The following RAPGEF2 variants were observed in gnomAD, a reference collection of about 807,000 sequenced individuals.
RAPGEF2 encodes Rap guanine nucleotide exchange factor 2, also known as PDZ domain containing guanine nucleotide exchange factor (GEF) 1.
In RAPGEF2, 54 loss-of-function variants were observed where a neutral mutation model predicts 186.7. That is an observed-to-expected ratio of 0.29 (90% CI 0.23 to 0.36). RAPGEF2 has a LOEUF of 0.36. Among genes scored for constraint, RAPGEF2 ranks in the 10% least tolerant of loss-of-function variants. RAPGEF2 has a pLI of 1.00. For missense variants in RAPGEF2, 1,532 were observed against 2,045.0 expected, an observed-to-expected ratio of 0.75 and a Z score of 4.84; for synonymous variants, 712 against 705.9, an observed-to-expected ratio of 1.01 and a Z score of -0.14.
Position 159,325,924 on chromosome 4 carries a change from ACT to A in RAPGEF2, c.1149+2310_1149+2311del, listed in dbSNP as rs1029516738. Among the ~76,000 whole-genome samples the A allele has an allele frequency of 8.6e-5, 13 of 151,926 alleles. 1 individual carries two copies. The highest frequency in any genetic ancestry group is 3.3e-4 in the Admixed American group (5 of 15,250). The stretch of plus-strand genomic sequence containing the variant: ...AGGGAAGAGTCCAATTCAAAAGAAA[ACT>A]CTGATTAAGATATATAGACTCCTAT... On this transcript the variant is annotated intron_variant, in intron 11 of 29. Transcript: ENST00000691494.
chr4:159,121,375 C>G (rs564545968), intron 1 of RAPGEF2, among the ~76,000 whole-genome samples: 1 of 150,944 alleles, frequency 6.6e-6, no homozygotes, highest in South Asian at 2.1e-4. Context: ...TTTTCCTTTC[C>G]TTTCTGAGAT....
intron 1 of RAPGEF2, among the ~76,000 whole-genome samples, chr4:159,104,524 G>C (rs865886460): frequency 0.031 from 3,641 of 117,460 alleles, 96 homozygotes; most frequent in Non-Finnish European, 0.043. Context: ...GAGAGAGAGA[G>C]AGGGAGAGAC....
At chr4:159,172,215 A>G (rs951151489) in intron 1 of RAPGEF2, among the ~76,000 whole-genome samples, 1 of 152,140 alleles carries the variant, frequency 6.6e-6, no homozygotes, top group Non-Finnish European at 1.5e-5. Flanking sequence ...TACCAAGAAA[A>G]TATTTTATAG....
chr4:159,121,286 C>T (rs776340444), intron 1 of RAPGEF2, among the ~76,000 whole-genome samples: 1 of 152,094 alleles, frequency 6.6e-6, no homozygotes, highest in Non-Finnish European at 1.5e-5. Flanking sequence ...CTTGGAACAA[C>T]ATGGTTTTGA....
intron 8 of RAPGEF2, among the ~76,000 whole-genome samples, chr4:159,309,279 C>A (rs764565532): frequency 2.0e-4 from 30 of 152,124 alleles, no homozygotes; most frequent in Non-Finnish European, 8.8e-5. Context: ...ATTTTGATTC[C>A]TTTCCTGCCT....
intron 7 of RAPGEF2, among the ~76,000 whole-genome samples, chr4:159,256,053 C>A (rs965214217): frequency 1.3e-5 from 2 of 152,174 alleles, no homozygotes; most frequent in African/African-American, 4.8e-5. Context: ...TGAAATTCAT[C>A]TCTGATCTCT....
chr4:159,285,016 G>C (rs1337558382), intron 7 of RAPGEF2, among the ~76,000 whole-genome samples: 1 of 152,180 alleles, frequency 6.6e-6, no homozygotes, highest in Admixed American at 6.5e-5. Context: ...TCCATTCTGG[G>C]TGACAGAGGG....
chr4:159,262,764 T>C (rs1579663028), intron 7 of RAPGEF2, among the ~76,000 whole-genome samples: 1 of 152,218 alleles, frequency 6.6e-6, no homozygotes, highest in East Asian at 1.9e-4. Context: ...TTCTTATAGA[T>C]AGTTGCCACA....
chr4:159,151,025 A>G (rs565269878), intron 1 of RAPGEF2, among the ~76,000 whole-genome samples: 5 of 152,358 alleles, frequency 3.3e-5, no homozygotes, highest in East Asian at 1.9e-4. Context: ...GGGCTTGGCT[A>G]TAGAAATTTT....
intron 7 of RAPGEF2, among the ~76,000 whole-genome samples, chr4:159,253,660 T>C (rs1381862432): frequency 1.3e-5 from 2 of 152,196 alleles, no homozygotes; most frequent in East Asian, 3.8e-4. Context: ...TTATTATTTG[T>C]TCTTTCAAAT....
intron 1 of RAPGEF2, among the ~76,000 whole-genome samples, chr4:159,151,641 TGTG>T (rs1743542842): frequency 6.6e-6 from 1 of 152,150 alleles, no homozygotes; most frequent in Non-Finnish European, 1.5e-5. Flanking sequence ...AAAGCAAAGT[TGTG>T]GTGGGCTTCA....
At chr4:159,275,054 CGTGTGTGTGTGTGTGTGTGTGT>C (rs35461332) in intron 7 of RAPGEF2, among the ~76,000 whole-genome samples, 2 of 143,982 alleles carry the variant, frequency 1.4e-5, no homozygotes, top group Admixed American at 6.9e-5. Flanking sequence ...CTCTGTCTCT[CGTGTGTGTGTGTGTGTGTGTGT>C]GTGTGTGTGT....
chr4:159,336,549 T>G (rs1160888179), intron 17 of RAPGEF2, among the ~76,000 whole-genome samples: 1 of 152,242 alleles, frequency 6.6e-6, no homozygotes, highest in African/African-American at 2.4e-5. Context: ...TATAAACACA[T>G]TTTCTTTATC....
chr4:159,173,234 A>G (rs896846836), intron 1 of RAPGEF2, among the ~76,000 whole-genome samples: 4 of 152,178 alleles, frequency 2.6e-5, no homozygotes, highest in African/African-American at 9.7e-5. Context: ...TTCTATATTT[A>G]AAACCTTCCA....
At chr4:159,114,324 G>A (rs181540116) in intron 1 of RAPGEF2, among the ~76,000 whole-genome samples, 7 of 151,958 alleles carry the variant, frequency 4.6e-5, no homozygotes, top group Non-Finnish European at 7.4e-5. Flanking sequence ...GGCTGGTCTC[G>A]AACTCCTGAC....
chr4:159,161,934 A>C (rs1289333349), intron 1 of RAPGEF2, among the ~76,000 whole-genome samples: 2 of 152,224 alleles, frequency 1.3e-5, no homozygotes, highest in Admixed American at 1.3e-4. Flanking sequence ...ATTATCTTCC[A>C]AATCTATTCT....
chr4:159,117,585 T>G lies in RAPGEF2; in HGVS notation c.69+13354T>G, dbSNP rs150408562. Among the ~76,000 whole-genome samples, 832 of 151,012 alleles carry G rather than the reference T, an allele frequency of 5.5e-3. 8 individuals are homozygous for G. The highest frequency in any genetic ancestry group is 0.019 in the African/African-American group (793 of 41,308). Reference sequence around the variant, plus strand: ...TTTATATATTCTGCGATGGTTGGGTTTTTTTTTTTTCGTAGTTACAAATTC... The same window carrying G: ...TTTATATATTCTGCGATGGTTGGGTGTTTTTTTTTTCGTAGTTACAAATTC... On this transcript the variant is annotated intron_variant, in intron 1 of 29. Coordinates refer to ENST00000691494, the MANE Select transcript of RAPGEF2 (RefSeq NM_001394067.2).
chr4:159,321,104 T>C (rs528334443), intron 9 of RAPGEF2, among the ~76,000 whole-genome samples: 10 of 152,146 alleles, frequency 6.6e-5, no homozygotes, highest in Non-Finnish European at 1.2e-4. Flanking sequence ...CTAGTAAGCA[T>C]TTAAACATCT....
intron 1 of RAPGEF2, among the ~76,000 whole-genome samples, chr4:159,117,660 G>A (rs1027243333): frequency 1.8e-4 from 27 of 151,310 alleles, no homozygotes; most frequent in Non-Finnish European, 2.7e-4. Context: ...TGAGTTTAGT[G>A]TATTTCCTTC....
Sources: allele counts gnomAD v4.1 joint callset (sites outside exome capture counted in the v4.1 genomes callset), GRCh38; gene constraint gnomAD v4.1.1; transcripts MANE v1.5; gene names NCBI Gene and HGNC (gene_info 2026-07-23, HGNC 2026-07-21).